The following SNX6 variants were observed in gnomAD, a reference collection of about 807,000 sequenced individuals.
SNX6 encodes the protein sorting nexin-6.
A neutral mutation model predicts 63.0 loss-of-function variants in SNX6; 34 were observed. The ratio of observed to expected loss-of-function variants is 0.54; its 90% confidence interval spans 0.41 to 0.72. The LOEUF (loss-of-function observed/expected upper bound fraction) is 0.72. SNX6 is among the 30% of genes least tolerant of loss of function. The pLI is 0.00. For missense variants in SNX6, 398 were observed against 471.4 expected (o/e 0.84, Z 1.44); for synonymous variants, 170 against 164.2 (o/e 1.04, Z -0.27).
chr14:34,577,641 A>C (rs1423817972), intron 10 of SNX6, among the ~76,000 whole-genome samples: 1 of 152,156 alleles, frequency 6.6e-6, no homozygotes, highest in East Asian at 1.9e-4. Flanking sequence ...ACAGAGGATG[A>C]AAAGAAATTT....
At chr14:34,597,455 T>C in intron 7 of SNX6, 95 bp downstream of exon 7, 1 of 771,878 alleles carries the variant, frequency 1.3e-6, no homozygotes, top group Non-Finnish European at 2.2e-6. Flanking sequence ...CGTCCAAATG[T>C]CTTTTACTCT....
At chr14:34,603,319 A>G in intron 6 of SNX6, 29 bp downstream of exon 6, 2 of 1,565,312 alleles carry the variant, frequency 1.3e-6, no homozygotes, top group Non-Finnish European at 1.7e-6. Context: ...GAAAAAGAAA[A>G]CTTGACCACC....
intron 6 of SNX6, among the ~76,000 whole-genome samples, chr14:34,602,411 G>A (rs1489645544): frequency 4.8e-5 from 7 of 144,588 alleles, no homozygotes; most frequent in South Asian, 4.4e-4. Context: ...TGGGAAACAA[G>A]AGCGAAACTG....
At chr14:34,607,194 C>A (rs1388314544) in intron 4 of SNX6, among the ~76,000 whole-genome samples, 3 of 152,124 alleles carry the variant, frequency 2.0e-5, no homozygotes, top group African/African-American at 7.2e-5. Flanking sequence ...ATGTAACATA[C>A]CCCACATCCC....
chr14:34,622,977 C>T (rs1490044703), intron 2 of SNX6, among the ~76,000 whole-genome samples: 1 of 152,168 alleles, frequency 6.6e-6, no homozygotes, highest in African/African-American at 2.4e-5. Flanking sequence ...ATCATTATGT[C>T]TTTACTACTA....
At chr14:34,570,156 C>T (rs888853211) in intron 11 of SNX6, among the ~76,000 whole-genome samples, 6 of 151,822 alleles carry the variant, frequency 4.0e-5, no homozygotes, top group South Asian at 2.1e-4. Context: ...GCAACCTCTG[C>T]CTCCTGGGTT....
intron 2 of SNX6, among the ~76,000 whole-genome samples, chr14:34,621,951 CTTTT>C (rs1037764907): frequency 1.3e-5 from 1 of 77,406 alleles, no homozygotes; most frequent in Non-Finnish European, 2.3e-5. Context: ...CATGTCTTTC[CTTTT>C]TTTTTTTTTT....
At chr14:34,624,070 T>C (rs1200414431) in intron 2 of SNX6, among the ~76,000 whole-genome samples, 1 of 152,066 alleles carries the variant, frequency 6.6e-6, no homozygotes, top group African/African-American at 2.4e-5. Flanking sequence ...TATGTATTCT[T>C]GAAGCCTGCT....
intron 11 of SNX6, chr14:34,568,901 T>C: frequency 1.6e-6 from 2 of 1,238,278 alleles, no homozygotes; most frequent in South Asian, 2.4e-5. Flanking sequence ...TAGATCTTGG[T>C]CATGGAGCCA....
chr14:34,586,223 C>T lies in SNX6; in HGVS notation c.794+7G>A. On this transcript the variant is annotated splice_region_variant and intron_variant, in intron 9 of 13. Coordinates refer to ENST00000362031, the MANE Select transcript of SNX6 (RefSeq NM_152233.4). ...GCCTATTTCACGTTTTAAATTAGAACACTTACTTGCATATATCTGTAGAAT... is the reference window on the plus strand; with the variant it reads ...GCCTATTTCACGTTTTAAATTAGAATACTTACTTGCATATATCTGTAGAAT... 5 of 1,545,268 alleles carry T rather than the reference C, an allele frequency of 3.2e-6. No individual in the cohort carries two copies. Among genetic ancestry groups the T allele is most frequent in the Non-Finnish European group, 4.4e-6 (5 of 1,127,678 alleles).
chr14:34,610,662 G>C (rs1374152511), intron 2 of SNX6, among the ~76,000 whole-genome samples: 1 of 152,040 alleles, frequency 6.6e-6, no homozygotes, highest in Non-Finnish European at 1.5e-5. Context: ...CCTATTTAGT[G>C]CTTCTACTTT....
At chr14:34,606,106 G>A (rs1452895097) in intron 4 of SNX6, among the ~76,000 whole-genome samples, 2 of 151,662 alleles carry the variant, frequency 1.3e-5, no homozygotes, top group Non-Finnish European at 2.9e-5. Flanking sequence ...CCTGGGAGTC[G>A]GAGGTTGCAG....
intron 2 of SNX6, among the ~76,000 whole-genome samples, chr14:34,625,566 C>T (rs1461956347): frequency 6.6e-6 from 1 of 151,986 alleles, no homozygotes; most frequent in Non-Finnish European, 1.5e-5. Context: ...AACCCTGTCT[C>T]TACTAAAAAT....
chr14:34,574,700 T>C (rs1345537020), intron 11 of SNX6, among the ~76,000 whole-genome samples: 1 of 151,786 alleles, frequency 6.6e-6, no homozygotes, highest in Non-Finnish European at 1.5e-5. Context: ...CCAAGACATT[T>C]TACCTGAAGA....
At chr14:34,626,852 A>G (rs143480171) in intron 2 of SNX6, among the ~76,000 whole-genome samples, 103 of 152,290 alleles carry the variant, frequency 6.8e-4, no homozygotes, top group African/African-American at 2.4e-3. Context: ...AAGAAAGCAA[A>G]TCCTGTTTGC....
At chr14:34,629,074 G>A (rs915829658) in intron 2 of SNX6, among the ~76,000 whole-genome samples, 2 of 151,758 alleles carry the variant, frequency 1.3e-5, no homozygotes, top group Non-Finnish European at 2.9e-5. Context: ...GGGTGAGTGG[G>A]TGGAGCGTCG....
chr14:34,591,463 G>A (rs1048980437), intron 8 of SNX6, among the ~76,000 whole-genome samples: 1 of 152,018 alleles, frequency 6.6e-6, no homozygotes, highest in African/African-American at 2.4e-5. Context: ...ACGGTGGCAG[G>A]CGCCTGTAAT....
intron 2 of SNX6, 39 bp from the exon 3 acceptor site, chr14:34,609,781 T>G (rs750496556): frequency 2.2e-6 from 3 of 1,336,240 alleles, no homozygotes. Context: ...AAAATCATGT[T>G]TTATATAATT....
chr14:34,563,051 A>T lies in SNX6; in HGVS notation c.*71T>A. The T allele has an allele frequency of 6.9e-7, 1 of 1,459,572 alleles. No homozygotes were observed. Among genetic ancestry groups the T allele is most frequent in the Non-Finnish European group, 9.5e-7 (1 of 1,047,496 alleles). 90.4% of individuals were successfully genotyped at this position (1,459,572 alleles called of 1,614,324 possible). A position where few individuals can be genotyped will look rare whatever the true frequency, so the allele number is the denominator to read the frequency against. On this transcript the variant is annotated 3_prime_UTR_variant, in exon 14 of 14. Transcript: ENST00000362031. The stretch of plus-strand genomic sequence containing the variant: ...TTGTTTCCAGTGAGCATAAATGCTT[A>T]ACATCATTAAGAAAACAAAAATAAA...
Sources: gnomAD v4.1 joint callset for allele counts (sites outside exome capture counted in the v4.1 genomes callset) on GRCh38, gnomAD v4.1.1 for gene constraint, MANE v1.5 for transcripts, NCBI Gene and HGNC (gene_info 2026-07-23, HGNC 2026-07-21) for gene names.